BCLAF3: variants seen among roughly 807,000 people sequenced by gnomAD.
BCLAF3 encodes transient octamer binding factor 1.
In BCLAF3, 24 loss-of-function variants were observed where a neutral mutation model predicts 51.2. The ratio of observed to expected loss-of-function variants is 0.47; its 90% CI spans 0.34 to 0.66. BCLAF3 has a LOEUF of 0.66. Among genes scored for constraint, BCLAF3 ranks in the 30% least tolerant of loss-of-function variants. BCLAF3 has a pLI of 0.01. For synonymous variants in BCLAF3, 152 were observed against 176.6 expected, an observed-to-expected ratio of 0.86 and a Z score of 1.10; for missense variants, 465 against 525.1, an observed-to-expected ratio of 0.89 and a Z score of 1.12.
chrX:19,967,796 G>A (rs2147969604), intron 2 of BCLAF3, among the ~76,000 whole-genome samples: 1 of 112,163 alleles, frequency 8.9e-6, no homozygotes, highest in East Asian at 2.8e-4. Flanking sequence ...TCGATGATAA[G>A]TCTGTGCCCT....
chrX:19,955,753 TGA>T (rs2071639502), intron 4 of BCLAF3, among the ~76,000 whole-genome samples, 187 bp from the exon 5 acceptor site: 1 of 111,901 alleles, frequency 8.9e-6, no homozygotes, highest in Admixed American at 9.5e-5. Flanking sequence ...TACATGGCTC[TGA>T]GTTCTTTCAA....
intron 6 of BCLAF3, 51 bp downstream of exon 6, chrX:19,953,727 G>A: frequency 5.0e-6 from 5 of 994,073 alleles, no homozygotes; most frequent in Non-Finnish European, 6.9e-6. Context: ...AATCTTTTCT[G>A]AGGTATATCC....
At chrX:19,966,719 A>G in intron 2 of BCLAF3, 70 bp from the exon 3 acceptor site, 1 of 940,271 alleles carries the variant, frequency 1.1e-6, no homozygotes, top group Non-Finnish European at 1.5e-6. Flanking sequence ...GACCTACCAA[A>G]AACAGTTGCT....
chrX:19,985,721 T>TTATTTGAGGCC (rs2148063485), intron 1 of BCLAF3, among the ~76,000 whole-genome samples: 1 of 112,035 alleles, frequency 8.9e-6, no homozygotes, highest in African/African-American at 3.2e-5. Flanking sequence ...GGCAGGAGGA[T>TTATTTGAGGCC]TATTTGAGGC....
At chrX:19,946,579 A>C (rs151191388) in intron 8 of BCLAF3, among the ~76,000 whole-genome samples, 163 of 111,603 alleles carry the variant, frequency 1.5e-3, no homozygotes, top group African/African-American at 5.1e-3. Flanking sequence ...TTTAAGTGAG[A>C]TTATGTCTCT....
chrX:19,938,014 G>A (rs1190734951), intron 8 of BCLAF3, among the ~76,000 whole-genome samples: 1 of 111,264 alleles, frequency 9.0e-6, no homozygotes, highest in East Asian at 2.8e-4. Context: ...GCAGAGCTGA[G>A]GCCTCTGATA....
At chrX:19,946,748 A>G (rs980688277) in intron 8 of BCLAF3, among the ~76,000 whole-genome samples, 1 of 111,370 alleles carries the variant, frequency 9.0e-6, no homozygotes, top group Non-Finnish European at 1.9e-5. Context: ...TATTCCTTAA[A>G]CAAAAGCAGG....
chrX:19,947,536 A>G (rs2071352601), intron 8 of BCLAF3, among the ~76,000 whole-genome samples: 1 of 111,368 alleles, frequency 9.0e-6, no homozygotes, highest in Non-Finnish European at 1.9e-5. Flanking sequence ...TTACTTTACA[A>G]TGGGTTATTG....
chrX:19,935,616 T>A (rs2070730117), intron 10 of BCLAF3, 193 bp downstream of exon 10: 49 of 355,730 alleles, frequency 1.4e-4, no homozygotes, highest in East Asian at 1.8e-4. Context: ...AAAAAAAAAA[T>A]TGAAAATCAA....
chrX:19,947,539 G>A (rs965817228), intron 8 of BCLAF3, among the ~76,000 whole-genome samples: 1 of 111,342 alleles, frequency 9.0e-6, no homozygotes, highest in African/African-American at 3.3e-5. Context: ...CTTTACAATG[G>A]GTTATTGGGA....
intron 8 of BCLAF3, among the ~76,000 whole-genome samples, chrX:19,938,460 A>G (rs955839687): frequency 8.9e-6 from 1 of 112,093 alleles, no homozygotes; most frequent in Non-Finnish European, 1.9e-5. Context: ...CAGTGGCACA[A>G]TCTCGGCTCA....
intron 7 of BCLAF3, among the ~76,000 whole-genome samples, 180 bp downstream of exon 7, chrX:19,952,808 T>C (rs1437136841): frequency 8.9e-6 from 1 of 111,897 alleles, no homozygotes; most frequent in Non-Finnish European, 1.9e-5. Context: ...TTGTCAGTAT[T>C]CTCACTCCAA....
intron 8 of BCLAF3, among the ~76,000 whole-genome samples, chrX:19,940,484 T>C (rs1309379673): frequency 2.7e-5 from 3 of 110,476 alleles, no homozygotes; most frequent in Admixed American, 9.6e-5. Flanking sequence ...TGTGATCTCA[T>C]TGTTCAATTC....
At chrX:19,985,396 T>C (rs2072765352) in intron 1 of BCLAF3, among the ~76,000 whole-genome samples, 1 of 109,646 alleles carries the variant, frequency 9.1e-6, no homozygotes, top group African/African-American at 3.3e-5. Flanking sequence ...CTGGGAAACA[T>C]AACAAGACCC....
intron 1 of BCLAF3, among the ~76,000 whole-genome samples, chrX:19,985,711 G>A (rs1453451661): frequency 8.9e-6 from 1 of 112,503 alleles, no homozygotes; most frequent in Admixed American, 9.4e-5. Context: ...GGGAGACTGA[G>A]GCAGGAGGAT....
At chrX:19,979,365 GA>G (rs756126413) in intron 1 of BCLAF3, among the ~76,000 whole-genome samples, 3 of 111,181 alleles carry the variant, frequency 2.7e-5, no homozygotes, top group Non-Finnish European at 3.8e-5. Context: ...GTAGAAAGAT[GA>G]TGCGTCACTG....
chrX:19,978,300 T>C (rs1256468668), intron 1 of BCLAF3, among the ~76,000 whole-genome samples: 2 of 112,044 alleles, frequency 1.8e-5, no homozygotes, highest in African/African-American at 3.3e-5. Context: ...CCATTCTAGA[T>C]GCCATTAAGA....
At chrX:19,989,121 G>A (rs1334610767) in intron 1 of BCLAF3, among the ~76,000 whole-genome samples, 1 of 107,765 alleles carries the variant, frequency 9.3e-6, no homozygotes, top group Non-Finnish European at 1.9e-5. Flanking sequence ...GAGGGAAATT[G>A]AGCAATTCAC....
In BCLAF3 at chrX:19,955,421, C is replaced by T; in HGVS notation, c.1420G>A (p.Glu474Lys). ...ACTTGATGGATTATTGTTATGATTT[C>T]CTGAGCAAATTCTCCTGTAGGTTTG... ...ENKPTGEFAQ[E>K]IITIIHQVKA... The change falls in exon 5 of 12, where the codon GAA becomes AAA. Residue 474 changes from glutamate to lysine, a missense_variant. Transcript: ENST00000379682. The T allele has an allele frequency of 8.3e-7, 1 of 1,197,963 alleles. No homozygotes were observed. The highest frequency in any genetic ancestry group is 1.9e-5 in the South Asian group (1 of 53,948).
Sources: gnomAD v4.1 joint callset for allele counts (sites outside exome capture counted in the v4.1 genomes callset) on GRCh38, gnomAD v4.1.1 for gene constraint, MANE v1.5 for transcripts, NCBI Gene and HGNC (gene_info 2026-07-23, HGNC 2026-07-21) for gene names.